KCNN2: variants seen among roughly 807,000 people sequenced by gnomAD.
The protein encoded by KCNN2 is potassium calcium-activated channel subfamily N member 2, also known as small conductance calcium-activated potassium channel protein 2.
Under a neutral mutation model 55.5 loss-of-function variants are expected in KCNN2, and 24 were observed. The observed-to-expected ratio is 0.43, with a 90% CI of 0.31 to 0.61. The LOEUF is 0.61. Among genes scored for constraint, KCNN2 ranks in the 20% least tolerant of loss-of-function variants. KCNN2 has a pLI of 0.08. For missense variants in KCNN2, 754 were observed against 853.6 expected, an observed-to-expected ratio of 0.88 and a Z score of 1.45; for synonymous variants, 431 against 336.1, an observed-to-expected ratio of 1.28 and a Z score of -3.09.
At chr5:114,193,802 G>A (rs868286448) in intron 1 of KCNN2, among the ~76,000 whole-genome samples, 10 of 151,914 alleles carry the variant, frequency 6.6e-5, no homozygotes, top group South Asian at 4.1e-4. Context: ...TAAGAGAAGA[G>A]ATCTTGTTTT....
chr5:114,366,665 A>G (rs1029732807), intron 2 of KCNN2, among the ~76,000 whole-genome samples: 1 of 152,134 alleles, frequency 6.6e-6, no homozygotes, highest in Non-Finnish European at 1.5e-5. Flanking sequence ...CCAACTGCTC[A>G]GGCTTATGTA....
At chr5:114,157,615 C>G (rs1402752025) in intron 1 of KCNN2, among the ~76,000 whole-genome samples, 1 of 152,172 alleles carries the variant, frequency 6.6e-6, no homozygotes, top group South Asian at 2.1e-4. Context: ...AGTTTACAGT[C>G]CTACTAACAG....
intron 4 of KCNN2, among the ~76,000 whole-genome samples, chr5:114,464,588 T>A (rs189693070): frequency 1.3e-5 from 2 of 152,262 alleles, no homozygotes; most frequent in African/African-American, 2.4e-5. Flanking sequence ...AAGGAGAGCG[T>A]GCCCTTGGCA....
rs36106791 is a variant in KCNN2 at position 114,378,723 on chromosome 5, TAGTGTCAGCATCTCATTG to T, written c.1218+14725_1218+14742del. 7.4e-3 allele frequency among the ~76,000 whole-genome samples: 1,126 copies of T among 152,302 alleles called. 19 individuals carry two copies. The highest frequency in any genetic ancestry group is 0.025 in the African/African-American group (1,029 of 41,556). Reference sequence around the variant, plus strand: ...GTTTGACCCATGGTGCTGCATAACTTAGTGTCAGCATCTCATTGAGCTAGGCATCTCATTGTGGCTTAT... The same window carrying T: ...GTTTGACCCATGGTGCTGCATAACTTAGCTAGGCATCTCATTGTGGCTTAT... On this transcript the variant is annotated intron_variant, in intron 2 of 7. Coordinates refer to ENST00000673685, the MANE Select transcript of KCNN2 (RefSeq NM_021614.4).
chr5:114,295,490 G>A (rs1008690677), intron 2 of KCNN2, among the ~76,000 whole-genome samples: 5 of 152,136 alleles, frequency 3.3e-5, no homozygotes, highest in African/African-American at 1.2e-4. Flanking sequence ...CATGGGCATG[G>A]GACCCTCCGA....
Position 114,074,968 on chromosome 5 carries a change from G to A in KCNN2, c.-271+18468G>A, listed in dbSNP as rs370202360. Among the ~76,000 whole-genome samples, 56 of 152,296 alleles carry A rather than the reference G, an allele frequency of 3.7e-4. No homozygotes were observed. In the South Asian group the frequency reaches 0.011, roughly 29 times the overall value. On this transcript the variant is annotated intron_variant, in intron 1 of 10. Coordinates refer to the KCNN2 transcript ENST00000512097. ...TGTAAAAGTTATGGGTGTACATCCTGCTGAGCCACCAGACACAAGAAGGCA... is the reference window on the plus strand; with the variant it reads ...TGTAAAAGTTATGGGTGTACATCCTACTGAGCCACCAGACACAAGAAGGCA...
intron 3 of KCNN2, among the ~76,000 whole-genome samples, chr5:114,434,080 A>T (rs1281253649): frequency 1.3e-5 from 2 of 151,224 alleles, no homozygotes; most frequent in African/African-American, 4.9e-5. Flanking sequence ...TTTTTTGTTA[A>T]TTTTTTTGTC....
In KCNN2 at chr5:114,495,990, T is replaced by C; in HGVS notation, c.2184T>C (p.Thr728=). ...RIVTLETKLE[T]LIGSIHALPG... is the part of the protein sequence containing the mutation. ...TTACCCTGGAAACAAAACTAGAGAC[T>C]TTGATTGGTAGCATCCACGCCCTCC... Residue 728 remains threonine (T), a synonymous_variant, in exon 8 of 8, where the codon ACT becomes ACC. Coordinates refer to ENST00000673685, the MANE Select transcript of KCNN2 (RefSeq NM_021614.4). The C allele has an allele frequency of 1.9e-6, 3 of 1,614,104 alleles. No homozygotes were observed. In the South Asian group the frequency reaches 3.3e-5, roughly 18 times the overall value.
chr5:114,136,410 T>G lies in KCNN2; in HGVS notation c.-271+79910T>G, dbSNP rs146201853. On this transcript the variant is annotated intron_variant, in intron 1 of 10. Coordinates refer to the KCNN2 transcript ENST00000512097. ...CTTGTGCTGTGCTCTTAGACTTCCC[T>G]GCCTTCACAGCCATGAACCAAATAA... 9.1e-4 allele frequency among the ~76,000 whole-genome samples: 138 copies of G among 152,340 alleles called. 3 individuals carry two copies. Among genetic ancestry groups the G allele is most frequent in the East Asian group, 6.0e-3 (31 of 5,172 alleles).
At chr5:114,127,542 A>ACAAAACCAT (rs1352212147) in intron 1 of KCNN2, among the ~76,000 whole-genome samples, 2 of 152,198 alleles carry the variant, frequency 1.3e-5, no homozygotes, top group Admixed American at 1.3e-4. Flanking sequence ...GGCCTGGCCT[A>ACAAAACCAT]CAAAACCATT....
At chr5:114,094,246 C>T (rs1219185365) in intron 1 of KCNN2, among the ~76,000 whole-genome samples, 1 of 152,108 alleles carries the variant, frequency 6.6e-6, no homozygotes, top group African/African-American at 2.4e-5. Flanking sequence ...GCCCTGCTCC[C>T]TCAAGGCCAG....
chr5:114,229,415 T>A (rs1754309514), intron 2 of KCNN2, among the ~76,000 whole-genome samples: 1 of 151,988 alleles, frequency 6.6e-6, no homozygotes, highest in Non-Finnish European at 1.5e-5. Context: ...CCTAAAAGAC[T>A]CTTACTTTTA....
At chr5:114,339,269 C>T (rs1053624742) in intron 2 of KCNN2, among the ~76,000 whole-genome samples, 9 of 152,184 alleles carry the variant, frequency 5.9e-5, no homozygotes, top group Admixed American at 3.3e-4. Flanking sequence ...CAGAAAACCC[C>T]GGCCCCCTTT....
At chr5:114,162,331 G>A (rs1020436548) in intron 1 of KCNN2, among the ~76,000 whole-genome samples, 4 of 152,114 alleles carry the variant, frequency 2.6e-5, no homozygotes, top group Non-Finnish European at 4.4e-5. Flanking sequence ...TCGGTGAACC[G>A]CAAATGCTGC....
At chr5:114,162,316 G>A (rs544771471) in intron 1 of KCNN2, among the ~76,000 whole-genome samples, 14 of 152,192 alleles carry the variant, frequency 9.2e-5, no homozygotes, top group African/African-American at 2.2e-4. Context: ...GCAGAACAGC[G>A]GATATCGGTG....
intron 2 of KCNN2, among the ~76,000 whole-genome samples, chr5:114,313,535 A>G (rs1201994182): frequency 6.6e-6 from 1 of 152,158 alleles, no homozygotes; most frequent in Non-Finnish European, 1.5e-5. Flanking sequence ...ACAAAGATGA[A>G]GATGAAGATG....
intron 2 of KCNN2, among the ~76,000 whole-genome samples, chr5:114,271,283 G>A (rs1401324653): frequency 6.6e-6 from 1 of 152,074 alleles, no homozygotes; most frequent in African/African-American, 2.4e-5. Flanking sequence ...CACCCGATTA[G>A]CTAGACACAG....
At chr5:114,294,718 G>A (rs1199944859) in intron 2 of KCNN2, among the ~76,000 whole-genome samples, 7 of 152,260 alleles carry the variant, frequency 4.6e-5, no homozygotes, top group Admixed American at 6.5e-5. Context: ...TCCGCTTGGT[G>A]CAGAGCCGAG....
chr5:114,363,588 C>T (rs1757513137), intron 1 of KCNN2, among the ~76,000 whole-genome samples: 1 of 152,208 alleles, frequency 6.6e-6, no homozygotes, highest in Non-Finnish European at 1.5e-5. Flanking sequence ...GCCCTTTCAA[C>T]CCGCTCTCTT....
Sources: gnomAD v4.1 joint callset for allele counts (sites outside exome capture counted in the v4.1 genomes callset) on GRCh38, gnomAD v4.1.1 for gene constraint, MANE v1.5 for transcripts, NCBI Gene and HGNC (gene_info 2026-07-23, HGNC 2026-07-21) for gene names.